LRRC4C: variants seen among roughly 807,000 people sequenced by gnomAD.
The protein encoded by LRRC4C is leucine rich repeat containing 4C.
A neutral mutation model predicts 33.6 loss-of-function variants in LRRC4C; 5 were observed. That is an observed-to-expected ratio of 0.15 (90% CI 0.08 to 0.31). LRRC4C has a LOEUF of 0.31. Ranked by LOEUF, LRRC4C falls within the 10% of genes least tolerant of loss-of-function variation. The probability of loss-of-function intolerance (pLI) is 1.00; values close to 1 mark genes in which losing one functional copy is unlikely to be tolerated. For synonymous variants in LRRC4C, 329 were observed against 302.0 expected (o/e 1.09, Z -0.93); for missense variants, 560 against 796.7 (o/e 0.70, Z 3.58).
At chr11:41,021,322 C>G (rs1274579914) in intron 1 of LRRC4C, among the ~76,000 whole-genome samples, 1 of 151,786 alleles carries the variant, frequency 6.6e-6, no homozygotes, top group African/African-American at 2.4e-5. Flanking sequence ...CCTGGAGATT[C>G]TCTTCCTTTG....
intron 5 of LRRC4C, among the ~76,000 whole-genome samples, chr11:40,159,636 T>C (rs1858994262): frequency 6.6e-6 from 1 of 152,218 alleles, no homozygotes; most frequent in South Asian, 2.1e-4. Flanking sequence ...CATATACTTT[T>C]ATTCCATAAT....
intron 3 of LRRC4C, among the ~76,000 whole-genome samples, chr11:40,356,702 T>C (rs72895019): frequency 0.027 from 4,123 of 152,146 alleles, 60 homozygotes; most frequent in Non-Finnish European, 0.04. Flanking sequence ...TCATAGAGGG[T>C]AACTTGGTAC....
intron 2 of LRRC4C, among the ~76,000 whole-genome samples, chr11:40,763,073 G>GTATACACACATATATATGTATATATATA (rs1949295768): frequency 1.0e-4 from 15 of 143,068 alleles, no homozygotes; most frequent in Admixed American, 7.1e-4. Context: ...GTATATATAT[G>GTATACACACATATATATGTATATATATA]TATACACACA....
At chr11:40,982,854 T>C (rs1276583015) in intron 1 of LRRC4C, among the ~76,000 whole-genome samples, 3 of 152,132 alleles carry the variant, frequency 2.0e-5, no homozygotes, top group East Asian at 3.9e-4. Context: ...CCCCAGGGTG[T>C]GTTGTTCCCC....
chr11:40,849,917 A>G (rs1205423699), intron 2 of LRRC4C, among the ~76,000 whole-genome samples: 1 of 150,878 alleles, frequency 6.6e-6, no homozygotes, highest in Non-Finnish European at 1.5e-5. Flanking sequence ...TGCTTGATCC[A>G]TTTGGCTGTT....
intron 5 of LRRC4C, among the ~76,000 whole-genome samples, chr11:40,225,865 C>T (rs996196778): frequency 1.9e-4 from 29 of 152,146 alleles, no homozygotes; most frequent in Non-Finnish European, 3.2e-4. Context: ...GTGATCCGCC[C>T]GCCTCGGCCT....
chr11:41,072,261 A>C (rs1938743201), intron 1 of LRRC4C, among the ~76,000 whole-genome samples: 2 of 6,896 alleles, frequency 2.9e-4, no homozygotes, highest in Non-Finnish European at 1.1e-3. Flanking sequence ...GAAAGAAAAA[A>C]TTAATCAATG....
At chr11:40,574,445 C>T (rs72886954) in intron 3 of LRRC4C, among the ~76,000 whole-genome samples, 1,637 of 152,138 alleles carry the variant, frequency 0.011, 24 homozygotes, top group African/African-American at 0.026. Context: ...CATCTATAGG[C>T]GATATCAGGA....
chr11:40,603,326 A>G (rs1006912309), intron 3 of LRRC4C, among the ~76,000 whole-genome samples: 3 of 152,210 alleles, frequency 2.0e-5, no homozygotes, highest in African/African-American at 7.2e-5. Flanking sequence ...CAAAGCAGGC[A>G]AGAAAAGAAC....
chr11:40,744,127 G>A (rs1349823963), intron 2 of LRRC4C, among the ~76,000 whole-genome samples: 1 of 152,120 alleles, frequency 6.6e-6, no homozygotes, highest in African/African-American at 2.4e-5. Flanking sequence ...GATATGGAAG[G>A]AAACACAACA....
intron 1 of LRRC4C, among the ~76,000 whole-genome samples, chr11:40,984,220 G>C (rs1208130746): frequency 6.8e-6 from 1 of 147,244 alleles, no homozygotes; most frequent in Non-Finnish European, 1.5e-5. Context: ...AAGAAGGAAG[G>C]AAGAAAGAGG....
chr11:41,290,161 T>C (rs904540120), intron 1 of LRRC4C, among the ~76,000 whole-genome samples: 32 of 152,076 alleles, frequency 2.1e-4, no homozygotes, highest in African/African-American at 7.5e-4. Flanking sequence ...CATCAGTAAA[T>C]AAGAGTGAAA....
intron 2 of LRRC4C, among the ~76,000 whole-genome samples, chr11:40,851,459 G>A (rs111979840): frequency 8.5e-4 from 129 of 152,232 alleles, no homozygotes; most frequent in Middle Eastern, 3.4e-3. Flanking sequence ...CCCTCTGTGG[G>A]CTGCACCCAC....
chr11:41,005,093 T>TC (rs1177282538), intron 1 of LRRC4C, among the ~76,000 whole-genome samples: 1 of 152,076 alleles, frequency 6.6e-6, no homozygotes, highest in Admixed American at 6.6e-5. Context: ...GGCACCTCCC[T>TC]CCCCCTGATG....
At chr11:41,129,307 C>T (rs557964941) in intron 1 of LRRC4C, among the ~76,000 whole-genome samples, 1 of 152,104 alleles carries the variant, frequency 6.6e-6, no homozygotes, top group African/African-American at 2.4e-5. Flanking sequence ...GGCTACCAAG[C>T]TTCCCAAACC....
intron 4 of LRRC4C, among the ~76,000 whole-genome samples, chr11:40,271,856 CTA>C (rs1391374676): frequency 1.3e-5 from 2 of 152,128 alleles, no homozygotes; most frequent in African/African-American, 4.8e-5. Context: ...CTATCATGTC[CTA>C]TGATTTTCAC....
chr11:40,576,952 T>G (rs1438738623), intron 3 of LRRC4C, among the ~76,000 whole-genome samples: 1 of 152,212 alleles, frequency 6.6e-6, no homozygotes, highest in Non-Finnish European at 1.5e-5. Context: ...TTGATTATGG[T>G]AACTTAGTTC....
At chr11:40,509,692 AG>A in intron 3 of LRRC4C, among the ~76,000 whole-genome samples, 1 of 152,252 alleles carries the variant, frequency 6.6e-6, no homozygotes, top group East Asian at 1.9e-4. Flanking sequence ...TTTATAAAAA[AG>A]GGAGATATTT....
intron 1 of LRRC4C, among the ~76,000 whole-genome samples, chr11:41,070,481 A>G (rs1445408675): frequency 6.6e-6 from 1 of 152,168 alleles, no homozygotes; most frequent in Non-Finnish European, 1.5e-5. Flanking sequence ...TGAAAAGGCA[A>G]TCTACAGAAT....
Sources: allele counts gnomAD v4.1 joint callset (sites outside exome capture counted in the v4.1 genomes callset), GRCh38; gene constraint gnomAD v4.1.1; transcripts MANE v1.5; gene names NCBI Gene and HGNC (gene_info 2026-07-23, HGNC 2026-07-21).